Variants in RALGAPA1 observed in about 807,000 individuals in gnomAD.
The protein encoded by RALGAPA1 is Ral GTPase activating protein catalytic subunit alpha 1.
Under a neutral mutation model 269.6 loss-of-function variants are expected in RALGAPA1, and 52 were observed. The observed-to-expected ratio is 0.19, with a 90% CI of 0.15 to 0.24. The LOEUF is 0.24. RALGAPA1 is among the 10% of genes least tolerant of loss of function. The pLI, the probability that RALGAPA1 is intolerant of heterozygous loss-of-function variation, is 1.00. For synonymous variants in RALGAPA1, 817 were observed against 1,008.3 expected (o/e 0.81, Z 3.60); for missense variants, 1,917 against 3,013.9 (o/e 0.64, Z 8.52).
chr14:35,729,452 GC>G (rs1462633677), intron 12 of RALGAPA1, among the ~76,000 whole-genome samples: 4 of 152,016 alleles, frequency 2.6e-5, no homozygotes, highest in Admixed American at 6.6e-5. Context: ...ACCACAAAAA[GC>G]CAAGAATAAG....
chr14:35,562,144 G>A lies in RALGAPA1; in HGVS notation c.7496+8473C>T, dbSNP rs2056310871. Among the ~76,000 whole-genome samples, 8 of 152,184 alleles carry A rather than the reference G, an allele frequency of 5.3e-5. No individual in the cohort carries two copies. In the South Asian group the frequency reaches 1.7e-3, roughly 31 times the overall value. Reference sequence around the variant, plus strand: ...TATTTAAGACCTTCATAGAAAGCATGAAGAACAAATGGCACAAAATTTTGA... The same window carrying A: ...TATTTAAGACCTTCATAGAAAGCATAAAGAACAAATGGCACAAAATTTTGA... On this transcript the variant is annotated intron_variant, in intron 39 of 41. Coordinates refer to ENST00000680220, the MANE Select transcript of RALGAPA1 (RefSeq NM_001346249.2).
rs1266170780 is a variant in RALGAPA1, at chr14:35,770,946, A to G, written c.321T>C (p.Ser107=). The change falls in exon 4 of 42, where the codon AGT becomes AGC. Residue 107 remains serine, a synonymous_variant. Coordinates refer to ENST00000680220, the MANE Select transcript of RALGAPA1 (RefSeq NM_001346249.2). ...ERIHQRWQFH[S]IGLILKKLLH... Reference sequence around the variant, plus strand: ...ATACATATTTGAATTACTTACCAATACTATGAAACTGCCATCGCTGATGAA... The same window carrying G: ...ATACATATTTGAATTACTTACCAATGCTATGAAACTGCCATCGCTGATGAA... 1 of 1,332,076 alleles carries G rather than the reference A, an allele frequency of 7.5e-7. No homozygotes were observed. Among genetic ancestry groups the G allele is most frequent in the Non-Finnish European group, 1.0e-6 (1 of 956,310 alleles). 82.5% of individuals were successfully genotyped at this position (1,332,076 alleles called of 1,614,324 possible). A position where few individuals can be genotyped will look rare whatever the true frequency, so the allele number is the denominator to read the frequency against.
chr14:35,662,283 T>C (rs1228424758), intron 27 of RALGAPA1, among the ~76,000 whole-genome samples: 1 of 152,210 alleles, frequency 6.6e-6, no homozygotes, highest in Non-Finnish European at 1.5e-5. Context: ...GAATTATACA[T>C]ACATGACACT....
chr14:35,751,914 T>C (rs962223331), intron 8 of RALGAPA1, 110 bp downstream of exon 8: 9 of 1,419,056 alleles, frequency 6.3e-6, no homozygotes, highest in African/African-American at 5.9e-5. Context: ...TACCAACCAA[T>C]ACAAGTATTA....
At chr14:35,616,207 C>T (rs968656847) in intron 35 of RALGAPA1, among the ~76,000 whole-genome samples, 4 of 151,772 alleles carry the variant, frequency 2.6e-5, no homozygotes, top group Admixed American at 1.3e-4. Flanking sequence ...GAGGAAGATC[C>T]GATTTTGAAA....
chr14:35,624,287 A>G (rs2060853132), intron 35 of RALGAPA1, among the ~76,000 whole-genome samples: 2 of 151,706 alleles, frequency 1.3e-5, no homozygotes, highest in Non-Finnish European at 2.9e-5. Flanking sequence ...TAACCAAATA[A>G]TTATTTTTAA....
intron 31 of RALGAPA1, among the ~76,000 whole-genome samples, chr14:35,637,701 C>T (rs1368205811): frequency 1.3e-5 from 2 of 152,082 alleles, no homozygotes; most frequent in Non-Finnish European, 2.9e-5. Context: ...AAGATATGAA[C>T]ACTCAAGTAC....
At chr14:35,776,754 A>C (rs2075062119) in intron 1 of RALGAPA1, among the ~76,000 whole-genome samples, 1 of 152,238 alleles carries the variant, frequency 6.6e-6, no homozygotes, top group African/African-American at 2.4e-5. Flanking sequence ...AGTTGAATGG[A>C]AAGGGCATTC....
At chr14:35,573,686 A>C (rs1366799026) in intron 37 of RALGAPA1, among the ~76,000 whole-genome samples, 1 of 152,164 alleles carries the variant, frequency 6.6e-6, no homozygotes, top group Non-Finnish European at 1.5e-5. Context: ...AATTAGTGAA[A>C]GCCTCTCTTC....
intron 35 of RALGAPA1, among the ~76,000 whole-genome samples, chr14:35,623,246 T>A (rs2060760909): frequency 6.6e-6 from 1 of 152,022 alleles, no homozygotes; most frequent in African/African-American, 2.4e-5. Context: ...GGTTAAATGA[T>A]CTGAAGTTGA....
At position 35,654,686 on chromosome 14, in the gene RALGAPA1, G is replaced by A. The variant is rs117188952; in HGVS notation, c.5497-209C>T. On this transcript the variant is annotated intron_variant, in intron 29 of 41. Coordinates refer to ENST00000680220, the MANE Select transcript of RALGAPA1 (RefSeq NM_001346249.2). ...ACTTTAATTTTCCTTTGTAATGTTT[G>A]ACTGTCCTCATTAAAGTTTTGTTGC... is the stretch of plus-strand genomic sequence containing the variant. Among the ~76,000 whole-genome samples, 699 of 152,192 alleles carry A rather than the reference G, an allele frequency of 4.6e-3. 3 individuals are homozygous for A. Among genetic ancestry groups the A allele is most frequent in the Admixed American group, 7.8e-3 (119 of 15,300 alleles).
At chr14:35,679,312 A>G (rs1319796090) in intron 21 of RALGAPA1, among the ~76,000 whole-genome samples, 2 of 152,252 alleles carry the variant, frequency 1.3e-5, no homozygotes, top group African/African-American at 4.8e-5. Context: ...AAAGCAAAAA[A>G]CCAATATAAA....
intron 1 of RALGAPA1, among the ~76,000 whole-genome samples, chr14:35,779,146 A>T (rs1205924582): frequency 6.6e-6 from 1 of 152,234 alleles, no homozygotes; most frequent in Non-Finnish European, 1.5e-5. Context: ...ATCAAATATC[A>T]AAATAAAAGC....
chr14:35,602,281 G>A (rs1272180574), intron 36 of RALGAPA1, among the ~76,000 whole-genome samples: 1 of 152,152 alleles, frequency 6.6e-6, no homozygotes, highest in Admixed American at 6.5e-5. Flanking sequence ...AACATTCATG[G>A]CCAGGCTTTT....
chr14:35,700,756 C>T (rs530024565), intron 16 of RALGAPA1, among the ~76,000 whole-genome samples: 1 of 152,262 alleles, frequency 6.6e-6, no homozygotes, highest in South Asian at 2.1e-4. Flanking sequence ...TAAATCATTC[C>T]TACTTTCATA....
At chr14:35,716,627 C>A (rs2068854200) in intron 16 of RALGAPA1, among the ~76,000 whole-genome samples, 2 of 151,846 alleles carry the variant, frequency 1.3e-5, no homozygotes, top group South Asian at 4.2e-4. Flanking sequence ...CCAAGATATC[C>A]CCAAAATAAT....
intron 24 of RALGAPA1, among the ~76,000 whole-genome samples, chr14:35,673,472 T>C (rs571876088): frequency 4.7e-4 from 72 of 152,230 alleles, no homozygotes; most frequent in African/African-American, 1.5e-3. Context: ...AGTGGGAGGA[T>C]TGCTTGAGCC....
At chr14:35,572,447 C>A in intron 38 of RALGAPA1, 113 bp downstream of exon 38, 2 of 760,330 alleles carry the variant, frequency 2.6e-6, no homozygotes, top group African/African-American at 1.8e-5. Flanking sequence ...CATTTACCCT[C>A]AGTTTCACAA....
intron 5 of RALGAPA1, among the ~76,000 whole-genome samples, chr14:35,761,357 G>C (rs1320757535): frequency 6.6e-6 from 1 of 152,144 alleles, no homozygotes; most frequent in Non-Finnish European, 1.5e-5. Context: ...AGAAGCGAGA[G>C]AGAGCAATGA....
Sources: allele counts gnomAD v4.1 joint callset (sites outside exome capture counted in the v4.1 genomes callset), GRCh38; gene constraint gnomAD v4.1.1; transcripts MANE v1.5; gene names NCBI Gene and HGNC (gene_info 2026-07-23, HGNC 2026-07-21).